The following BMAL1 variants were observed in gnomAD, a reference collection of about 807,000 sequenced individuals.
BMAL1 encodes basic helix-loop-helix ARNT-like protein 1.
the BMAL1 span, among the ~76,000 whole-genome samples, chr11:13,357,623 G>T: frequency 4.6e-5 from 7 of 152,212 alleles, no homozygotes; most frequent in Non-Finnish European, 8.8e-5. This position sits in a 1 kb window ranked among gnomAD's most constrained non-coding sequence, Gnocchi z 4.8. Context: ...ACCAGGCTGT[G>T]TTCTGAGGCT....
At chr11:13,290,041 T>C in the BMAL1 span, among the ~76,000 whole-genome samples, 1 of 152,186 alleles carries the variant, frequency 6.6e-6, no homozygotes, top group Non-Finnish European at 1.5e-5. Context: ...CTCTCCAGCA[T>C]CTGTTGTTTC....
the BMAL1 span, chr11:13,374,083 A>G: frequency 8.7e-6 from 14 of 1,608,364 alleles, no homozygotes; most frequent in Non-Finnish European, 1.2e-5. Flanking sequence ...ATATTCCTTT[A>G]TTCCCTTTTA....
At chr11:13,339,206 A>G in the BMAL1 span, among the ~76,000 whole-genome samples, 2 of 152,168 alleles carry the variant, frequency 1.3e-5, no homozygotes, top group Admixed American at 1.3e-4. Flanking sequence ...CCAAGAATCA[A>G]CTTCTCAGAA....
At chr11:13,280,567 G>C in the BMAL1 span, among the ~76,000 whole-genome samples, 1 of 152,210 alleles carries the variant, frequency 6.6e-6, no homozygotes, top group African/African-American at 2.4e-5. Context: ...TACATGCAGT[G>C]ATTTTAGGAA....
At chr11:13,347,989 G>A in the BMAL1 span, among the ~76,000 whole-genome samples, 3 of 152,142 alleles carry the variant, frequency 2.0e-5, no homozygotes, top group African/African-American at 7.2e-5. Context: ...TATAAATAAG[G>A]CCCTACCTGC....
At chr11:13,319,095 T>C in the BMAL1 span, among the ~76,000 whole-genome samples, 23 of 152,252 alleles carry the variant, frequency 1.5e-4, no homozygotes, top group African/African-American at 5.5e-4. Context: ...AAAGATAGAC[T>C]GTCCCTGTGC....
At chr11:13,284,130 A>ATATATATATATGTG in the BMAL1 span, among the ~76,000 whole-genome samples, 1 of 62,814 alleles carries the variant, frequency 1.6e-5, no homozygotes, top group Non-Finnish European at 3.5e-5. Flanking sequence ...GTGTGTGTGT[A>ATATATATATATGTG]TATATATATA....
the BMAL1 span, among the ~76,000 whole-genome samples, chr11:13,309,329 C>T: frequency 1.3e-5 from 2 of 152,034 alleles, no homozygotes; most frequent in African/African-American, 2.4e-5. Context: ...AGACTGCAGC[C>T]GGGCCAGTTG....
At chr11:13,377,933 T>C in the BMAL1 span, among the ~76,000 whole-genome samples, 1 of 152,284 alleles carries the variant, frequency 6.6e-6, no homozygotes. Context: ...CCCAGATGAG[T>C]TGGTTGCCTC....
the BMAL1 span, among the ~76,000 whole-genome samples, chr11:13,287,847 A>G: frequency 6.6e-6 from 1 of 152,222 alleles, no homozygotes; most frequent in African/African-American, 2.4e-5. Flanking sequence ...GCATAGTACT[A>G]CACATGTATT....
the BMAL1 span, among the ~76,000 whole-genome samples, chr11:13,342,705 G>A: frequency 6.6e-6 from 1 of 152,164 alleles, no homozygotes; most frequent in Non-Finnish European, 1.5e-5. Context: ...CAGAACTTTG[G>A]GAAGTGTTTT....
the BMAL1 span, chr11:13,372,402 G>T: frequency 6.2e-7 from 1 of 1,614,160 alleles, no homozygotes; most frequent in South Asian, 1.1e-5. Context: ...TGTTTTTGTA[G>T]ACCAGAGGTA....
chr11:13,284,226 A>ATG, the BMAL1 span, among the ~76,000 whole-genome samples: 24 of 68,054 alleles, frequency 3.5e-4, 2 homozygotes, highest in African/African-American at 6.1e-4. Flanking sequence ...ATATATATAT[A>ATG]TGTGTGTGTA....
the BMAL1 span, among the ~76,000 whole-genome samples, chr11:13,325,392 T>C: frequency 1.3e-5 from 2 of 152,356 alleles, no homozygotes; most frequent in Middle Eastern, 3.4e-3. Flanking sequence ...TCGCAGTGGG[T>C]ACATTTCACC....
the BMAL1 span, among the ~76,000 whole-genome samples, chr11:13,315,701 T>A: frequency 6.6e-6 from 1 of 152,188 alleles, no homozygotes; most frequent in African/African-American, 2.4e-5. Flanking sequence ...TGTGGTTATT[T>A]GATTAATGAA....
chr11:13,368,882 T>C, the BMAL1 span, among the ~76,000 whole-genome samples: 1 of 152,220 alleles, frequency 6.6e-6, no homozygotes, highest in African/African-American at 2.4e-5. Flanking sequence ...TAAAATTAAC[T>C]CCAAAATATT....
chr11:13,329,839 T>G, the BMAL1 span, among the ~76,000 whole-genome samples: 4 of 152,298 alleles, frequency 2.6e-5, no homozygotes, highest in East Asian at 7.7e-4. Flanking sequence ...TGATCCAAAC[T>G]GATGAGTCAG....
chr11:13,360,441 G>A, the BMAL1 span: 3 of 1,603,894 alleles, frequency 1.9e-6, no homozygotes, highest in Middle Eastern at 1.7e-4. Context: ...TCAATTATGG[G>A]ATTGTTTTAC....
At chr11:13,334,423 C>G in the BMAL1 span, among the ~76,000 whole-genome samples, 1 of 152,192 alleles carries the variant, frequency 6.6e-6, no homozygotes. Flanking sequence ...GCAGAGGCAT[C>G]TGCACTGTCC....
Sources: gnomAD v4.1 joint callset for allele counts (sites outside exome capture counted in the v4.1 genomes callset) on GRCh38, gnomAD v4.1.1 for gene constraint, Gnocchi (gnomAD v3.1) non-coding constraint, MANE v1.5 for transcripts, NCBI Gene and HGNC (gene_info 2026-07-23, HGNC 2026-07-21) for gene names.